Variants in HDAC6 observed in about 807,000 individuals in gnomAD.
HDAC6 encodes protein deacetylase HDAC6.
In HDAC6, 5 loss-of-function variants were observed where a neutral mutation model predicts 88.9. The ratio of observed to expected loss-of-function variants is 0.06; its 90% confidence interval spans 0.03 to 0.12. The LOEUF (loss-of-function observed/expected upper bound fraction) is 0.12, where lower values mean the gene tolerates loss of function less well. HDAC6 is among the 10% of genes least tolerant of loss of function. The probability of loss-of-function intolerance (pLI) is 1.00; values close to 1 mark genes in which losing one functional copy is unlikely to be tolerated. For missense variants in HDAC6, 706 were observed against 1,014.4 expected, an observed-to-expected ratio of 0.70 and a Z score of 4.13; for synonymous variants, 378 against 398.0, an observed-to-expected ratio of 0.95 and a Z score of 0.60.
At position 48,805,534 on chromosome X, in the gene HDAC6, A is replaced by G; in HGVS notation, c.396+12A>G. ...GCGTGTCCTTTCAGGTAAGGCCCCC[A>G]AGCCAACACTCTGGGTGAAGGGCAG... On this transcript the variant is annotated intron_variant, in intron 5 of 28. Coordinates refer to ENST00000334136, the MANE Select transcript of HDAC6 (RefSeq NM_006044.4). The G allele has an allele frequency of 5.0e-6, 6 of 1,199,563 alleles. No individual in the cohort carries two copies. The highest frequency in any genetic ancestry group is 6.8e-6 in the Non-Finnish European group (6 of 886,408).
At position 48,808,002 on chromosome X, in the gene HDAC6, C is replaced by T. The variant is rs868954651; in HGVS notation, c.633-31C>T. On this transcript the variant is annotated intron_variant, in intron 8 of 28. Coordinates refer to ENST00000334136, the MANE Select transcript of HDAC6 (RefSeq NM_006044.4). ...TCTGCAGAGGAGGACCCCTCACATA[C>T]TCCAAGCTGTTATTTCCTTGTCTTG... 7 of 1,048,231 alleles carry T rather than the reference C, an allele frequency of 6.7e-6. No homozygotes were observed. In the Middle Eastern group the frequency reaches 1.5e-3, roughly 224 times the overall value. The allele number at this position is 1,048,231 out of a possible 1,213,427, so 86.4% of individuals were successfully genotyped here.
chrX:48,820,689 A>T (rs1419650579), intron 23 of HDAC6, among the ~76,000 whole-genome samples: 1 of 112,033 alleles, frequency 8.9e-6, no homozygotes, highest in Non-Finnish European at 1.9e-5. Context: ...TCCTGGGACA[A>T]AGGAAATTCA....
chrX:48,817,520 C>G, intron 20 of HDAC6, 61 bp downstream of exon 20: 2 of 1,080,698 alleles, frequency 1.9e-6, no homozygotes, highest in Non-Finnish European at 2.5e-6. Flanking sequence ...ATGCTCCCCC[C>G]AGCCCATTGT....
rs782306531 is a variant in HDAC6, at chrX:48,817,346, G to A, written c.1812G>A (p.Val604=). 3.3e-6 allele frequency: 4 copies of A among 1,209,976 alleles called. No individual in the cohort carries two copies. Among genetic ancestry groups the A allele is most frequent in the Non-Finnish European group, 4.5e-6 (4 of 894,780 alleles). Residue 604 remains valine, a synonymous_variant, in exon 20 of 29, where the codon GTG becomes GTA. Transcript: ENST00000334136. The stretch of plus-strand genomic sequence containing the variant: ...CCCAGGTTCTGAATGGTGCTGCTGT[G>A]GTGCGTCCCCCAGGACACCACGCAG... ...LSGEVLNGAA[V]VRPPGHHAEQ... is the part of the protein sequence containing the mutation.
chrX:48,802,657 C>G lies in HDAC6; in HGVS notation c.-30-6C>G, dbSNP rs376234935. On this transcript the variant is annotated splice_polypyrimidine_tract_variant and splice_region_variant and intron_variant, in intron 1 of 28. Coordinates refer to ENST00000334136, the MANE Select transcript of HDAC6 (RefSeq NM_006044.4). ...CACATACCCACGCTCCTCCCCCCAC[C>G]CCCAGAACCGCGGCAGGGGCCAAGC... The G allele has an allele frequency of 5.8e-5, 69 of 1,181,065 alleles. No homozygotes were observed. Among genetic ancestry groups the G allele is most frequent in the Non-Finnish European group, 7.5e-5 (66 of 880,892 alleles).
intron 8 of HDAC6, 117 bp from the exon 9 acceptor site, chrX:48,807,913 ATTT>A (rs1286103829): frequency 4.0e-6 from 2 of 505,884 alleles, no homozygotes; most frequent in Non-Finnish European, 6.9e-6. Context: ...TTCCCGGCAG[ATTT>A]TTAGGCATCA....
intron 12 of HDAC6, 34 bp downstream of exon 12, chrX:48,814,774 G>T (rs2062956122): frequency 4.1e-6 from 5 of 1,208,254 alleles, no homozygotes; most frequent in Non-Finnish European, 5.6e-6. Flanking sequence ...GGGAGGAGGA[G>T]TGGCCTTGAA....
chrX:48,816,141 C>T lies in HDAC6; in HGVS notation c.1494C>T (p.Ser498=), dbSNP rs1557027535. 1.7e-6 allele frequency: 2 copies of T among 1,209,856 alleles called. No individual in the cohort carries two copies. Among genetic ancestry groups the T allele is most frequent in the African/African-American group, 1.7e-5 (1 of 57,379 alleles). Residue 498 remains serine (S), a splice_region_variant and synonymous_variant, in exon 18 of 29, where the codon AGC becomes AGT. Coordinates refer to ENST00000334136, the MANE Select transcript of HDAC6 (RefSeq NM_006044.4). ...CTACCTCTCGTTTCCCCACTGCTAG[C>T]CACCACCCTGAGGTACCCCAGCGCA... is the stretch of plus-strand genomic sequence containing the variant. ...NMMNHCNLWD[S]HHPEVPQRIL...
chrX:48,823,102 T>C lies in HDAC6; in HGVS notation c.2703T>C (p.Ala901=). ...STPGQTNSET[A]VVALTQDQPS... is the part of the protein sequence containing the mutation. The stretch of plus-strand genomic sequence containing the variant: ...CAGGCCAGACTAACTCAGAGACAGC[T>C]GTGGTGGCCCTCACTCAGGACCAGC... The change falls in exon 25 of 29, where the codon GCT becomes GCC. Residue 901 remains alanine (A), a synonymous_variant. Coordinates refer to ENST00000334136, the MANE Select transcript of HDAC6 (RefSeq NM_006044.4). 1 of 1,210,803 alleles carries C rather than the reference T, an allele frequency of 8.3e-7. No homozygotes were observed. The highest frequency in any genetic ancestry group is 1.1e-6 in the Non-Finnish European group (1 of 895,015).
intron 4 of HDAC6, 126 bp from the exon 5 acceptor site, chrX:48,805,312 G>A (rs2062797229): frequency 6.0e-6 from 3 of 499,292 alleles, no homozygotes; most frequent in Non-Finnish European, 1.1e-5. Context: ...GCTGATGGGA[G>A]GCAGGACTGA....
intron 10 of HDAC6, among the ~76,000 whole-genome samples, chrX:48,812,118 A>T (rs1362986867): frequency 8.9e-6 from 1 of 112,884 alleles, no homozygotes; most frequent in Non-Finnish European, 1.9e-5. Context: ...ATCATTAATC[A>T]TTCTTTTTGT....
chrX:48,823,295 ACCTCAGAGG>A lies in HDAC6; in HGVS notation c.2897_2905del (p.Thr966_Asp969delinsAsn). 8.3e-7 allele frequency: 1 copy of A among 1,201,377 alleles called. No homozygotes were observed. Among genetic ancestry groups the A allele is most frequent in the South Asian group, 1.8e-5 (1 of 55,231 alleles). ...GGGAGGAGCCATTCTGGACCAGACC[ACCTCAGAGG>A]ATGCTGTTGGGGGAGCCACGCTGGG... On this transcript the variant is annotated inframe_deletion, in exon 25 of 29. Coordinates refer to ENST00000334136, the MANE Select transcript of HDAC6 (RefSeq NM_006044.4).
chrX:48,803,000 G>A lies in HDAC6; in HGVS notation c.222+1G>A. On this transcript the variant is annotated splice_donor_variant, in intron 3 of 28. Coordinates refer to ENST00000334136, the MANE Select transcript of HDAC6 (RefSeq NM_006044.4). LOFTEE classifies it high-confidence loss of function. Reference sequence around the variant, plus strand: ...CCTAATCGTGGGACTGCAAGGGATGGTGAGCAGGGCCTGGCTGCAGTTTAG... The same window carrying A: ...CCTAATCGTGGGACTGCAAGGGATGATGAGCAGGGCCTGGCTGCAGTTTAG... 1.7e-6 allele frequency: 2 copies of A among 1,210,521 alleles called. No individual in the cohort carries two copies. Among genetic ancestry groups the A allele is most frequent in the Non-Finnish European group, 2.2e-6 (2 of 894,667 alleles).
At chrX:48,809,944 A>T (rs909607247) in intron 10 of HDAC6, among the ~76,000 whole-genome samples, 1 of 111,701 alleles carries the variant, frequency 9.0e-6, no homozygotes, top group African/African-American at 3.3e-5. Flanking sequence ...GAAGAATCCA[A>T]TTTAGGTTGG....
At chrX:48,823,880 G>A in intron 26 of HDAC6, 42 bp from the exon 27 acceptor site, 1 of 1,202,414 alleles carries the variant, frequency 8.3e-7, no homozygotes, top group Non-Finnish European at 1.1e-6. Flanking sequence ...ATAATGGGGA[G>A]ATGGGGTCTT....
intron 20 of HDAC6, 58 bp from the exon 21 acceptor site, chrX:48,817,983 C>A: frequency 1.8e-6 from 2 of 1,082,135 alleles, no homozygotes; most frequent in African/African-American, 1.8e-5. Context: ...GGGGTCTAGC[C>A]CAGCCCTCTT....
At chrX:48,816,104 G>T (rs367787331) in intron 17 of HDAC6, 37 bp from the exon 18 acceptor site, 1 of 1,210,070 alleles carries the variant, frequency 8.3e-7, no homozygotes, top group African/African-American at 1.7e-5. Context: ...CTCCCCCTCA[G>T]GCACTAAGCC....
intron 6 of HDAC6, chrX:48,806,148 G>C: frequency 2.5e-6 from 1 of 395,826 alleles, no homozygotes; most frequent in Non-Finnish European, 4.4e-6. Flanking sequence ...GTGGCCAAAG[G>C]CCTGAAAGTA....
At chrX:48,820,355 C>A in intron 23 of HDAC6, 100 bp downstream of exon 23, 1 of 758,809 alleles carries the variant, frequency 1.3e-6, no homozygotes, top group Non-Finnish European at 1.9e-6. Context: ...TTGAGTGTCC[C>A]TGCCTGGGAT....
Sources: allele counts gnomAD v4.1 joint callset (sites outside exome capture counted in the v4.1 genomes callset), GRCh38; gene constraint gnomAD v4.1.1; transcripts MANE v1.5; gene names NCBI Gene and HGNC (gene_info 2026-07-23, HGNC 2026-07-21).